Variants in PLEKHG4B observed in about 807,000 individuals in gnomAD.
The protein encoded by PLEKHG4B is pleckstrin homology domain-containing family G member 4B.
Under a neutral mutation model 121.3 loss-of-function variants are expected in PLEKHG4B, and 111 were observed. The observed-to-expected ratio is 0.92, with a 90% CI of 0.78 to 1.07. The LOEUF is 1.07. PLEKHG4B is among the 50% of genes least tolerant of loss of function. The probability of loss-of-function intolerance (pLI) is 0.00; values close to 1 mark genes in which losing one functional copy is unlikely to be tolerated. For synonymous variants in PLEKHG4B, 738 were observed against 725.0 expected, an observed-to-expected ratio of 1.02 and a Z score of -0.29; for missense variants, 1,831 against 1,757.8, an observed-to-expected ratio of 1.04 and a Z score of -0.74.
chr5:178,248 C>T (rs1428563153), intron 18 of PLEKHG4B, among the ~76,000 whole-genome samples: 1 of 152,218 alleles, frequency 6.6e-6, no homozygotes, highest in Non-Finnish European at 1.5e-5. Flanking sequence ...CTCTCCCTGG[C>T]ACTGGCTCCC....
At chr5:99,952 A>T (rs573559805) in intron 1 of PLEKHG4B, among the ~76,000 whole-genome samples, 2 of 152,188 alleles carry the variant, frequency 1.3e-5, no homozygotes, top group East Asian at 3.9e-4. Flanking sequence ...AGTTTGTCAG[A>T]TGCCTGTTCT....
rs377091226 is a variant in PLEKHG4B at position 96,348 on chromosome 5, AAAG to A, written c.45+4075_45+4077del. ...GGAGATTTTTCTAGAAGTAAGGAAAAAAGAATGAGTTCCAATTTTTTGTCAAAT... is the reference window on the plus strand; with the variant it reads ...GGAGATTTTTCTAGAAGTAAGGAAAAAATGAGTTCCAATTTTTTGTCAAAT... On this transcript the variant is annotated intron_variant, in intron 1 of 19. Transcript: ENST00000637938. 2.9e-3 allele frequency among the ~76,000 whole-genome samples: 435 copies of A among 152,360 alleles called. 1 individual carries two copies. The highest frequency in any genetic ancestry group is 9.5e-3 in the African/African-American group (396 of 41,578).
intron 3 of PLEKHG4B, 89 bp downstream of exon 3, chr5:140,805 C>T (rs1735151884): frequency 1.7e-6 from 2 of 1,169,018 alleles, no homozygotes; most frequent in Admixed American, 3.2e-5. Context: ...ACCCCCTTCC[C>T]TACAAACCCC....
Position 140,473 on chromosome 5 carries a change from C to A in PLEKHG4B, c.1234C>A (p.Pro412Thr). ...SGPRGDPQQT[P>T]SLEKERHTPS... ...CCCCCGGGGAGACCCCCAACAGACC[C>A]CAAGTCTAGAGAAGGAGAGGCACAC... Residue 412 changes from proline (P) to threonine (T), a missense_variant, in exon 3 of 20, where the codon CCA (proline) becomes ACA (threonine). Pro to Thr is a conservative substitution (Grantham distance 38). Transcript: ENST00000637938. The A allele has an allele frequency of 6.3e-7, 1 of 1,591,656 alleles. No homozygotes were observed.
chr5:142,635 CACAA>C (rs550313824), intron 3 of PLEKHG4B, among the ~76,000 whole-genome samples: 62 of 152,138 alleles, frequency 4.1e-4, no homozygotes, highest in East Asian at 9.7e-4. Flanking sequence ...CACACAATCA[CACAA>C]ACACAGTAAC....
At chr5:164,858 C>T (rs1447964783) in intron 13 of PLEKHG4B, among the ~76,000 whole-genome samples, 1 of 111,524 alleles carries the variant, frequency 9.0e-6, no homozygotes, top group Non-Finnish European at 1.8e-5. Flanking sequence ...TGACAGGGGG[C>T]GGGGCTCACA....
intron 18 of PLEKHG4B, among the ~76,000 whole-genome samples, chr5:180,620 G>A (rs1044151291): frequency 6.6e-6 from 1 of 152,188 alleles, no homozygotes; most frequent in Non-Finnish European, 1.5e-5. Context: ...AGCTTTTCTG[G>A]TTGTTCTTGG....
chr5:162,654 A>T (rs1012952333), intron 12 of PLEKHG4B, 68 bp from the exon 13 acceptor site: 1 of 1,171,222 alleles, frequency 8.5e-7, no homozygotes, highest in Non-Finnish European at 1.1e-6. Context: ...GGGGAACAGC[A>T]GGGCCTGAGC....
At chr5:181,449 G>A (rs1733361209) in intron 18 of PLEKHG4B, 65 bp from the exon 19 acceptor site, 4 of 1,530,606 alleles carry the variant, frequency 2.6e-6, no homozygotes, top group Non-Finnish European at 3.6e-6. Context: ...GGGGTACCGG[G>A]CGTCTTTGGG....
At chr5:110,565 C>T (rs916893192) in intron 1 of PLEKHG4B, among the ~76,000 whole-genome samples, 2 of 149,620 alleles carry the variant, frequency 1.3e-5, no homozygotes, top group Admixed American at 6.7e-5. Flanking sequence ...CCCACGCAAT[C>T]TGCAACACAC....
chr5:157,080 A>G lies in PLEKHG4B; in HGVS notation c.2487+169A>G. On this transcript the variant is annotated intron_variant, in intron 11 of 19. Coordinates refer to ENST00000637938, the MANE Select transcript of PLEKHG4B (RefSeq NM_052909.5). This position sits in a 1 kb window ranked among gnomAD's most constrained non-coding sequence, Gnocchi z 4.6. ...CCTTGCTGCTTGTGTAAAAAGAAAT[A>G]AATTTTATTTTTTACGTGAGAGATA... The G allele has an allele frequency of 1.9e-6, 2 of 1,059,878 alleles. No homozygotes were observed. Among genetic ancestry groups the G allele is most frequent in the East Asian group, 5.3e-5 (2 of 37,904 alleles). The allele number at this position is 1,059,878 out of a possible 1,614,324, so 65.7% of individuals were successfully genotyped here.
intron 13 of PLEKHG4B, chr5:169,088 C>T: frequency 4.0e-6 from 2 of 502,356 alleles, no homozygotes; most frequent in Non-Finnish European, 7.1e-6. Flanking sequence ...GTTGGCCAGG[C>T]TGGTCTCGAT....
At chr5:155,921 C>T (rs964052446) in intron 9 of PLEKHG4B, 150 bp from the exon 10 acceptor site, 19 of 795,142 alleles carry the variant, frequency 2.4e-5, no homozygotes, top group African/African-American at 1.9e-4. Flanking sequence ...TGGGACAGTC[C>T]GGACCATCAG....
chr5:170,700 A>T (rs530657554), intron 14 of PLEKHG4B, among the ~76,000 whole-genome samples: 2 of 152,148 alleles, frequency 1.3e-5, no homozygotes, highest in South Asian at 4.1e-4. Flanking sequence ...GCTCTTGGCC[A>T]TGGACCAAAT....
chr5:96,024 G>T (rs1368977041), intron 1 of PLEKHG4B, among the ~76,000 whole-genome samples: 5 of 152,212 alleles, frequency 3.3e-5, no homozygotes, highest in Admixed American at 3.3e-4. Flanking sequence ...GGGACATCGG[G>T]GGATTGGAAT....
At position 140,160 on chromosome 5, in the gene PLEKHG4B, G is replaced by A. The variant is rs528256149; in HGVS notation, c.921G>A (p.Gly307=). The A allele has an allele frequency of 1.1e-3, 885 of 794,014 alleles. 5 individuals are homozygous for A. The highest frequency in any genetic ancestry group is 2.5e-3 in the South Asian group (127 of 49,816). 49.2% of individuals were successfully genotyped at this position (794,014 alleles called of 1,614,324 possible). ...GGATGCCCCCTGAGAACTGTGGGGG[G>A]TCGGGGGAGAGGCCGGACCCCATGG... ...GPRMPPENCG[G]SGERPDPMDQ... is the part of the protein sequence containing the mutation. Residue 307 remains glycine, a synonymous_variant, in exon 3 of 20, where the codon GGG becomes GGA. Coordinates refer to ENST00000637938, the MANE Select transcript of PLEKHG4B (RefSeq NM_052909.5).
intron 1 of PLEKHG4B, among the ~76,000 whole-genome samples, chr5:99,447 T>C (rs917284611): frequency 6.6e-6 from 1 of 152,046 alleles, no homozygotes; most frequent in Non-Finnish European, 1.5e-5. Context: ...AGCAAGCAAG[T>C]CTTTTACCTT....
In PLEKHG4B at chr5:156,028, TG is replaced by T; in HGVS notation, c.2209-41del. ...GTCACACTTGGGAGGACCTGCCCCT[TG>T]GAGGAGGGAGTTAAAGGCTTATTCC... On this transcript the variant is annotated intron_variant, in intron 9 of 19. Transcript: ENST00000637938. This position sits in a 1 kb window ranked among gnomAD's most constrained non-coding sequence, Gnocchi z 4.4. 6.7e-7 allele frequency: 1 copy of T among 1,491,876 alleles called. No homozygotes were observed. Among genetic ancestry groups the T allele is most frequent in the Non-Finnish European group, 9.0e-7 (1 of 1,111,306 alleles). 92.4% of individuals were successfully genotyped at this position (1,491,876 alleles called of 1,614,324 possible). A position where few individuals can be genotyped will look rare whatever the true frequency, so the allele number is the denominator to read the frequency against.
chr5:138,121 G>A (rs1735037850), intron 2 of PLEKHG4B, among the ~76,000 whole-genome samples: 1 of 152,238 alleles, frequency 6.6e-6, no homozygotes, highest in African/African-American at 2.4e-5. Context: ...GGATTTGCCA[G>A]TGGCCCACAG....
Sources: gnomAD v4.1 joint callset for allele counts (sites outside exome capture counted in the v4.1 genomes callset) on GRCh38, gnomAD v4.1.1 for gene constraint, Gnocchi (gnomAD v3.1) non-coding constraint, MANE v1.5 for transcripts, NCBI Gene and HGNC (gene_info 2026-07-23, HGNC 2026-07-21) for gene names.